ZNF385D: variants seen among roughly 807,000 people sequenced by gnomAD.
ZNF385D encodes zinc finger protein 659.
ZNF385D carries 15 observed loss-of-function variants against 35.8 expected under a neutral mutation model. The ratio of observed to expected loss-of-function variants is 0.42; its 90% CI spans 0.28 to 0.64. The LOEUF is 0.64. ZNF385D is among the 30% of genes least tolerant of loss of function. The pLI, the probability that ZNF385D is intolerant of heterozygous loss-of-function variation, is 0.23. For synonymous variants in ZNF385D, 212 were observed against 186.8 expected (o/e 1.13, Z -1.10); for missense variants, 474 against 494.6 (o/e 0.96, Z 0.39).
At chr3:21,425,422 G>C (rs1700974103) in intron 6 of ZNF385D, 70 bp downstream of exon 6, 2 of 1,411,400 alleles carry the variant, frequency 1.4e-6, no homozygotes, top group Non-Finnish European at 1.9e-6. Context: ...TAAAAAGGAA[G>C]GAAGCACACA....
At chr3:21,488,470 C>G (rs983527115) in intron 4 of ZNF385D, among the ~76,000 whole-genome samples, 1 of 151,916 alleles carries the variant, frequency 6.6e-6, no homozygotes, top group African/African-American at 2.4e-5. Flanking sequence ...AGTTGAGGTG[C>G]CCAAAAGCAT....
chr3:21,446,668 A>G (rs951292750), intron 4 of ZNF385D, among the ~76,000 whole-genome samples: 3 of 151,418 alleles, frequency 2.0e-5, no homozygotes, highest in Admixed American at 6.6e-5. Context: ...TAATTTTTGT[A>G]TTTTTAGTAG....
intron 4 of ZNF385D, among the ~76,000 whole-genome samples, chr3:21,470,187 TCACAGACCA>T (rs1703795565): frequency 6.6e-6 from 1 of 152,200 alleles, no homozygotes; most frequent in South Asian, 2.1e-4. Context: ...GTGCAGTGCC[TCACAGACCA>T]ATTCTTCAAT....
intron 4 of ZNF385D, among the ~76,000 whole-genome samples, chr3:21,461,908 T>G (rs2125314640): frequency 6.6e-6 from 1 of 152,214 alleles, no homozygotes; most frequent in East Asian, 1.9e-4. Context: ...ATTTTTAACC[T>G]CTGAGCACTT....
chr3:22,330,723 G>C (rs567776933), intron 2 of ZNF385D, among the ~76,000 whole-genome samples: 2 of 152,270 alleles, frequency 1.3e-5, no homozygotes, highest in African/African-American at 2.4e-5. Flanking sequence ...GTGGAATAAG[G>C]CCAGGGACAT....
chr3:21,697,200 A>G (rs1466325824), intron 1 of ZNF385D, among the ~76,000 whole-genome samples: 3 of 152,142 alleles, frequency 2.0e-5, no homozygotes, highest in African/African-American at 7.2e-5. Context: ...TGAGATTCCT[A>G]TTCATCGAAA....
At chr3:21,506,341 T>C (rs919936545) in intron 4 of ZNF385D, among the ~76,000 whole-genome samples, 1 of 152,138 alleles carries the variant, frequency 6.6e-6, no homozygotes, top group Non-Finnish European at 1.5e-5. Context: ...TGATATGTAG[T>C]ATGAGTAAGA....
chr3:22,168,836 C>T, exon 3 of ZNF385D: 2 of 985,828 alleles, frequency 2.0e-6, no homozygotes, highest in South Asian at 4.7e-5. Context: ...TTTTCAGCGT[C>T]CCATTGCTGA....
chr3:21,871,551 C>T (rs1482372414), intron 3 of ZNF385D, among the ~76,000 whole-genome samples: 2 of 152,038 alleles, frequency 1.3e-5, no homozygotes, highest in Non-Finnish European at 2.9e-5. Context: ...AACTGTTGAA[C>T]AAATCAATGT....
At chr3:21,718,634 G>C (rs2068420714) in intron 1 of ZNF385D, among the ~76,000 whole-genome samples, 1 of 152,198 alleles carries the variant, frequency 6.6e-6, no homozygotes, top group Admixed American at 6.5e-5. Context: ...TAAATAGCTT[G>C]TTAGTGGCAA....
At chr3:22,093,064 G>A (rs983830385) in intron 3 of ZNF385D, among the ~76,000 whole-genome samples, 1 of 152,118 alleles carries the variant, frequency 6.6e-6, no homozygotes, top group African/African-American at 2.4e-5. Flanking sequence ...ACAACGTAGA[G>A]TCATAAGACA....
intron 1 of ZNF385D, among the ~76,000 whole-genome samples, chr3:21,722,797 G>A (rs1210411583): frequency 6.6e-6 from 1 of 152,210 alleles, no homozygotes; most frequent in Non-Finnish European, 1.5e-5. Context: ...ACTTGCAAGT[G>A]ACCCTGACTG....
intron 3 of ZNF385D, among the ~76,000 whole-genome samples, chr3:21,786,036 C>A (rs977128463): frequency 3.4e-5 from 5 of 146,754 alleles, no homozygotes; most frequent in African/African-American, 5.1e-5. Context: ...TTTTTTTTAC[C>A]ATGTGACTTC....
intron 2 of ZNF385D, among the ~76,000 whole-genome samples, chr3:22,187,568 A>G (rs1194907832): frequency 2.0e-5 from 3 of 152,154 alleles, no homozygotes; most frequent in African/African-American, 7.2e-5. Context: ...TGTAAGGAGA[A>G]TGAAGTTAGT....
rs1355947497 is a variant in ZNF385D, at chr3:21,641,663, A to G, written c.165+23223T>C. Among the ~76,000 whole-genome samples, 7 of 124,768 alleles carry G rather than the reference A, an allele frequency of 5.6e-5. No individual in the cohort carries two copies. In the South Asian group the frequency reaches 7.9e-4, roughly 14 times the overall value. The allele number at this position is 124,768 out of a possible 152,430, so 81.9% of individuals were successfully genotyped here. A position where few individuals can be genotyped will look rare whatever the true frequency, so the allele number is the denominator to read the frequency against. On this transcript the variant is annotated intron_variant, in intron 2 of 7. Coordinates refer to ENST00000281523, the MANE Select transcript of ZNF385D (RefSeq NM_024697.3). ...TTTTTTTTTTTTTTTTAATATAGAG[A>G]TGGGGTTTTGCCATGTTGCCCAGAT...
intron 3 of ZNF385D, among the ~76,000 whole-genome samples, chr3:21,516,935 T>G (rs1575090168): frequency 6.6e-6 from 1 of 152,232 alleles, no homozygotes; most frequent in East Asian, 1.9e-4. Context: ...AAGAGAACAT[T>G]TCAGCCAACT....
At chr3:22,043,718 A>T (rs259457) in intron 3 of ZNF385D, among the ~76,000 whole-genome samples, 86,931 of 151,772 alleles carry the variant, frequency 0.57, 24,984 homozygotes, top group South Asian at 0.7. Context: ...CACCTCATTG[A>T]CTGTGGCTGG....
intron 2 of ZNF385D, among the ~76,000 whole-genome samples, chr3:22,193,070 T>G (rs1696168423): frequency 6.6e-6 from 1 of 152,220 alleles, no homozygotes; most frequent in Non-Finnish European, 1.5e-5. Flanking sequence ...AGAGTAACCG[T>G]TTATAACACT....
intron 3 of ZNF385D, among the ~76,000 whole-genome samples, chr3:21,537,874 T>C (rs1015526436): frequency 2.0e-5 from 3 of 152,126 alleles, no homozygotes; most frequent in Non-Finnish European, 4.4e-5. Context: ...TTGGCTTATA[T>C]TTTTAAAATG....
Sources: gnomAD v4.1 joint callset for allele counts (sites outside exome capture counted in the v4.1 genomes callset) on GRCh38, gnomAD v4.1.1 for gene constraint, MANE v1.5 for transcripts, NCBI Gene and HGNC (gene_info 2026-07-23, HGNC 2026-07-21) for gene names.